NRIP1: variants seen among roughly 807,000 people sequenced by gnomAD.
NRIP1 encodes the protein nuclear receptor interacting protein 1.
NRIP1 carries 28 observed loss-of-function variants against 75.0 expected under a neutral mutation model. The observed-to-expected ratio is 0.37, with a 90% CI of 0.28 to 0.51. The LOEUF (loss-of-function observed/expected upper bound fraction) is 0.51. NRIP1 is among the 20% of genes least tolerant of loss of function. The pLI is 0.92. For missense variants in NRIP1, 1,435 were observed against 1,343.7 expected (o/e 1.07, Z -1.06); for synonymous variants, 526 against 487.6 (o/e 1.08, Z -1.04).
chr21:15,004,908 T>C (rs2087929160), intron 3 of NRIP1, among the ~76,000 whole-genome samples: 1 of 152,182 alleles, frequency 6.6e-6, no homozygotes, highest in South Asian at 2.1e-4. Flanking sequence ...CAACACATTA[T>C]AAATAAATCA....
chr21:14,971,784 G>T (rs1181067567), intron 3 of NRIP1, among the ~76,000 whole-genome samples: 2 of 152,186 alleles, frequency 1.3e-5, no homozygotes, highest in Non-Finnish European at 2.9e-5. Context: ...GGTTACCATA[G>T]TATGGATAAA....
At chr21:15,053,304 G>A (rs1250847659) in intron 1 of NRIP1, among the ~76,000 whole-genome samples, 2 of 152,168 alleles carry the variant, frequency 1.3e-5, no homozygotes, top group African/African-American at 4.8e-5. Flanking sequence ...TGGCATTATC[G>A]GGAGGAATAC....
intron 2 of NRIP1, among the ~76,000 whole-genome samples, chr21:15,018,240 A>C (rs1425692772): frequency 2.0e-5 from 3 of 152,366 alleles, no homozygotes; most frequent in Non-Finnish European, 4.4e-5. Context: ...ATGCTAAGAA[A>C]GCAAGATACT....
chr21:15,007,568 T>C (rs1477317674), intron 3 of NRIP1, among the ~76,000 whole-genome samples: 1 of 152,230 alleles, frequency 6.6e-6, no homozygotes, highest in African/African-American at 2.4e-5. Context: ...TCAGATCCTG[T>C]TTGAAGTCTG....
chr21:15,060,791 T>C (rs1193658236), intron 1 of NRIP1, among the ~76,000 whole-genome samples: 1 of 151,990 alleles, frequency 6.6e-6, no homozygotes, highest in Non-Finnish European at 1.5e-5. Flanking sequence ...TCCATTACCA[T>C]CAGCAATTCA....
chr21:15,029,466 C>A (rs989671326), intron 2 of NRIP1, among the ~76,000 whole-genome samples: 3 of 152,150 alleles, frequency 2.0e-5, no homozygotes, highest in African/African-American at 7.2e-5. Context: ...CCCTCAATAC[C>A]CTCCATTCTC....
intron 1 of NRIP1, among the ~76,000 whole-genome samples, chr21:15,055,392 T>C (rs180919291): frequency 2.6e-5 from 4 of 152,372 alleles, no homozygotes; most frequent in Non-Finnish European, 5.9e-5. Flanking sequence ...TGTAAAACAA[T>C]GCCACTGCAT....
At chr21:15,022,016 T>C (rs2088388747) in intron 2 of NRIP1, among the ~76,000 whole-genome samples, 1 of 152,194 alleles carries the variant, frequency 6.6e-6, no homozygotes, top group African/African-American at 2.4e-5. Context: ...AGAAATAACA[T>C]TTGACCCAGC....
intron 1 of NRIP1, among the ~76,000 whole-genome samples, chr21:15,044,155 T>A (rs1159069224): frequency 6.6e-6 from 1 of 151,988 alleles, no homozygotes; most frequent in African/African-American, 2.4e-5. Flanking sequence ...ATAAAGATTG[T>A]CCCTATTGTC....
chr21:14,993,772 G>A (rs997046520), intron 3 of NRIP1, among the ~76,000 whole-genome samples: 1 of 151,594 alleles, frequency 6.6e-6, no homozygotes, highest in Non-Finnish European at 1.5e-5. Flanking sequence ...GCAACAGAGA[G>A]AGATATGTCT....
At chr21:15,038,782 A>C (rs951806469) in intron 2 of NRIP1, among the ~76,000 whole-genome samples, 7 of 149,986 alleles carry the variant, frequency 4.7e-5, no homozygotes, top group African/African-American at 1.7e-4. Context: ...AAATTTTCAG[A>C]AATAAAAAAA....
chr21:15,028,541 GT>G (rs2088574705), intron 2 of NRIP1, among the ~76,000 whole-genome samples: 1 of 152,138 alleles, frequency 6.6e-6, no homozygotes, highest in African/African-American at 2.4e-5. Flanking sequence ...TTTTTACAAG[GT>G]TTGGGGCTGA....
chr21:15,031,093 GGAGGATCACCACA>G (rs2088668329), intron 2 of NRIP1, among the ~76,000 whole-genome samples: 6 of 44,450 alleles, frequency 1.3e-4, no homozygotes, highest in Non-Finnish European at 1.7e-4. Flanking sequence ...GAAGGCGCTC[GGAGGATCACCACA>G]TTCCCTTTCT....
At chr21:15,040,925 T>G (rs553785391) in intron 2 of NRIP1, among the ~76,000 whole-genome samples, 28 of 152,200 alleles carry the variant, frequency 1.8e-4, no homozygotes, top group African/African-American at 6.5e-4. Flanking sequence ...TTCCTAAATA[T>G]TCTTAAAAGC....
At chr21:14,987,228 C>T (rs193048707) in intron 3 of NRIP1, among the ~76,000 whole-genome samples, 291 of 152,292 alleles carry the variant, frequency 1.9e-3, no homozygotes, top group Middle Eastern at 3.4e-3. Flanking sequence ...TGCAAAAGCA[C>T]TAATACCTGT....
chr21:15,033,247 T>C (rs957019346), intron 2 of NRIP1, among the ~76,000 whole-genome samples: 3 of 149,104 alleles, frequency 2.0e-5, no homozygotes, highest in African/African-American at 7.5e-5. Flanking sequence ...AAAAAAATAC[T>C]GCATACTATG....
chr21:15,033,880 T>A (rs2088771008), intron 2 of NRIP1, among the ~76,000 whole-genome samples: 1 of 152,218 alleles, frequency 6.6e-6, no homozygotes, highest in Non-Finnish European at 1.5e-5. Context: ...ATTGCCTTGG[T>A]CACCTGGTCT....
chr21:15,045,659 C>T (rs2089057366), intron 1 of NRIP1, among the ~76,000 whole-genome samples: 1 of 152,190 alleles, frequency 6.6e-6, no homozygotes, highest in African/African-American at 2.4e-5. Context: ...GCTGATTCTT[C>T]CTTTCACAGA....
intron 2 of NRIP1, among the ~76,000 whole-genome samples, chr21:15,037,026 AAAT>A (rs768374483): frequency 4.7e-4 from 72 of 152,212 alleles, no homozygotes; most frequent in Non-Finnish European, 8.2e-4. Context: ...ACTTATAAGG[AAAT>A]AATAAGCAAA....
Sources: allele counts gnomAD v4.1 joint callset (sites outside exome capture counted in the v4.1 genomes callset), GRCh38; gene constraint gnomAD v4.1.1; transcripts MANE v1.5; gene names NCBI Gene and HGNC (gene_info 2026-07-23, HGNC 2026-07-21).